The following SPTBN4 variants were observed in gnomAD, a reference collection of about 807,000 sequenced individuals.
SPTBN4 encodes spectrin beta chain, non-erythrocytic 4.
Under a neutral mutation model 277.8 loss-of-function variants are expected in SPTBN4, and 96 were observed. That is an observed-to-expected ratio of 0.35 (90% CI 0.29 to 0.41). The LOEUF (loss-of-function observed/expected upper bound fraction) is 0.41. Among genes scored for constraint, SPTBN4 ranks in the 10% least tolerant of loss-of-function variants. The probability of loss-of-function intolerance (pLI) is 1.00; values close to 1 mark genes in which losing one functional copy is unlikely to be tolerated. For synonymous variants in SPTBN4, 1,481 were observed against 1,580.3 expected, an observed-to-expected ratio of 0.94 and a Z score of 1.49; for missense variants, 3,006 against 3,595.7, an observed-to-expected ratio of 0.84 and a Z score of 4.19.
In SPTBN4 at chr19:40,569,953, CACACACACACACACACACACAG is replaced by C. The variant is rs1371362392; in HGVS notation, c.7026+241_7026+262del. On this transcript the variant is annotated intron_variant, in intron 32 of 35. Coordinates refer to ENST00000598249, the MANE Select transcript of SPTBN4 (RefSeq NM_020971.3). ...CTGCCCCTCCACACACACACACACA[CACACACACACACACACACACAG>C]ACACACACACACAGACACACACACA... 2.4e-3 allele frequency among the ~76,000 whole-genome samples: 351 copies of C among 148,716 alleles called. 1 individual carries two copies. The highest frequency in any genetic ancestry group is 0.01 in the Middle Eastern group (3 of 292).
intron 1 of SPTBN4, among the ~76,000 whole-genome samples, chr19:40,472,054 G>A (rs943784900): frequency 6.6e-6 from 1 of 151,942 alleles, no homozygotes; most frequent in Non-Finnish European, 1.5e-5. Flanking sequence ...GGGATTACAG[G>A]CATACTCCAC....
chr19:40,510,669 T>C (rs1202634263), intron 13 of SPTBN4, among the ~76,000 whole-genome samples: 1 of 152,202 alleles, frequency 6.6e-6, no homozygotes, highest in Non-Finnish European at 1.5e-5. Flanking sequence ...CATCAGCGAA[T>C]GTCCAGAATT....
Position 40,554,044 on chromosome 19 carries a change from G to A in SPTBN4, c.4675-103G>A. ...CGTGGTTAGCGAGCTGGGGGTGCTT[G>A]TTAATTGCCCCGTGGGCCGTGCCAG... On this transcript the variant is annotated intron_variant, in intron 22 of 35. Coordinates refer to ENST00000598249, the MANE Select transcript of SPTBN4 (RefSeq NM_020971.3). The surrounding 1 kb of genome is among the most constrained non-coding windows in gnomAD (Gnocchi z 5.7). 1 of 1,183,974 alleles carries A rather than the reference G, an allele frequency of 8.4e-7. No individual in the cohort carries two copies. Among genetic ancestry groups the A allele is most frequent in the African/African-American group, 1.6e-5 (1 of 60,880 alleles). 73.3% of individuals were successfully genotyped at this position (1,183,974 alleles called of 1,614,324 possible).
intron 26 of SPTBN4, among the ~76,000 whole-genome samples, chr19:40,559,040 T>A (rs1488376131): frequency 6.6e-6 from 1 of 151,260 alleles, no homozygotes; most frequent in Non-Finnish European, 1.5e-5. Context: ...CAAGCAATTC[T>A]CCCACTTCAG....
intron 19 of SPTBN4, among the ~76,000 whole-genome samples, chr19:40,533,680 T>A (rs1316296445): frequency 6.6e-6 from 1 of 152,088 alleles, no homozygotes. Flanking sequence ...CTTTCCTGTC[T>A]GTCTATCCCT....
chr19:40,514,573 A>G (rs938902782), intron 14 of SPTBN4, among the ~76,000 whole-genome samples: 1 of 152,202 alleles, frequency 6.6e-6, no homozygotes, highest in Non-Finnish European at 1.5e-5. Context: ...GGGGGCCCAG[A>G]GGAAGAACAA....
chr19:40,570,917 G>T, intron 33 of SPTBN4, 189 bp downstream of exon 33: 1 of 602,022 alleles, frequency 1.7e-6, no homozygotes, highest in Non-Finnish European at 2.7e-6. Context: ...GCAGGAGGGG[G>T]TGTGGTTTAA....
At chr19:40,512,473 C>A in intron 13 of SPTBN4, 133 bp from the exon 14 acceptor site, 1 of 1,208,370 alleles carries the variant, frequency 8.3e-7, no homozygotes, top group Non-Finnish European at 1.1e-6. Flanking sequence ...GGGAAGGCTG[C>A]CTGGAGGAGG....
At chr19:40,476,582 T>TTTTG (rs1188633647) in intron 2 of SPTBN4, among the ~76,000 whole-genome samples, 12 of 151,976 alleles carry the variant, frequency 7.9e-5, no homozygotes, top group African/African-American at 2.4e-4. Context: ...TTGTTTTTAG[T>TTTTG]TTTGTTTGTT....
At chr19:40,565,327 T>G in intron 27 of SPTBN4, 96 bp from the exon 28 acceptor site, 1 of 1,432,638 alleles carries the variant, frequency 7.0e-7, no homozygotes, top group Non-Finnish European at 9.5e-7. Context: ...GTATGGGATG[T>G]CAGCCTCAAG....
rs760613835 is a variant in SPTBN4 at position 40,557,376 on chromosome 19, G to A, written c.5643G>A (p.Glu1881=). 8 of 1,585,162 alleles carry A rather than the reference G, an allele frequency of 5.0e-6. No homozygotes were observed. The African/African-American group carries it at 1.1e-4, about 21-fold the overall frequency. Residue 1881 remains glutamate, a synonymous_variant, in exon 26 of 36, where the codon GAG becomes GAA. Transcript: ENST00000598249. The stretch of plus-strand genomic sequence containing the variant: ...TGCAGCGGACCCTGAGAGCCTTTGA[G>A]CATGACCTGCAGCTCCTCGTGTCCC... ...SSMQRTLRAF[E]HDLQLLVSQV... is the part of the protein sequence containing the mutation.
At chr19:40,481,476 T>C (rs1399094582) in intron 2 of SPTBN4, among the ~76,000 whole-genome samples, 1 of 151,894 alleles carries the variant, frequency 6.6e-6, no homozygotes, top group Non-Finnish European at 1.5e-5. Flanking sequence ...AGGTTTTTTG[T>C]TTTGTTTTGT....
chr19:40,548,714 CAAAA>C (rs57692095), intron 20 of SPTBN4, among the ~76,000 whole-genome samples: 1 of 117,054 alleles, frequency 8.5e-6, no homozygotes, highest in Non-Finnish European at 1.8e-5. Flanking sequence ...GACTCCATCT[CAAAA>C]AAAAAAAAAG....
chr19:40,469,355 C>G (rs1240068881), intron 1 of SPTBN4, among the ~76,000 whole-genome samples: 1 of 152,044 alleles, frequency 6.6e-6, no homozygotes, highest in African/African-American at 2.4e-5. Context: ...ACCTTCGCCT[C>G]CCGGTTTCAA....
chr19:40,549,599 T>A (rs1027940229), intron 21 of SPTBN4, among the ~76,000 whole-genome samples, 186 bp downstream of exon 21: 1 of 152,252 alleles, frequency 6.6e-6, no homozygotes, highest in African/African-American at 2.4e-5. Flanking sequence ...TTCGTTGATT[T>A]ATTCATGAAG....
At chr19:40,493,130 A>T in intron 5 of SPTBN4, 76 bp downstream of exon 5, 1 of 1,404,234 alleles carries the variant, frequency 7.1e-7, no homozygotes, top group Non-Finnish European at 1.0e-6. Context: ...CCCAGACAAG[A>T]GCTCAAGGGG....
At chr19:40,533,223 C>T (rs572940860) in intron 19 of SPTBN4, among the ~76,000 whole-genome samples, 1 of 152,154 alleles carries the variant, frequency 6.6e-6, no homozygotes, top group African/African-American at 2.4e-5. Context: ...ATTGTGTTAA[C>T]CTCTTGGAGC....
At chr19:40,565,584 C>T (rs1443165145) in intron 28 of SPTBN4, 23 bp downstream of exon 28, 1 of 1,607,036 alleles carries the variant, frequency 6.2e-7, no homozygotes. Context: ...GAGGGGGTCC[C>T]CCTCTGCCAC....
At chr19:40,545,173 G>A (rs1353318123) in intron 20 of SPTBN4, among the ~76,000 whole-genome samples, 1 of 151,624 alleles carries the variant, frequency 6.6e-6, no homozygotes, top group Non-Finnish European at 1.5e-5. Context: ...TCGGCTCACT[G>A]CAACCTCCAC....
Sources: gnomAD v4.1 joint callset for allele counts (sites outside exome capture counted in the v4.1 genomes callset) on GRCh38, gnomAD v4.1.1 for gene constraint, Gnocchi (gnomAD v3.1) non-coding constraint, MANE v1.5 for transcripts, NCBI Gene and HGNC (gene_info 2026-07-23, HGNC 2026-07-21) for gene names.